CCDC38: variants seen among roughly 807,000 people sequenced by gnomAD.
CCDC38 encodes the protein coiled-coil domain containing 38.
CCDC38 carries 69 observed loss-of-function variants against 72.8 expected under a neutral mutation model. The ratio of observed to expected loss-of-function variants is 0.95; its 90% CI spans 0.78 to 1.16. The LOEUF is 1.16. Among genes scored for constraint, CCDC38 ranks in the 50% most tolerant of loss-of-function variants. CCDC38 has a pLI of 0.00. For synonymous variants in CCDC38, 201 were observed against 213.2 expected (o/e 0.94, Z 0.50); for missense variants, 626 against 638.9 (o/e 0.98, Z 0.22).
At chr12:95,912,337 A>G (rs968859749) in intron 4 of CCDC38, among the ~76,000 whole-genome samples, 4 of 152,186 alleles carry the variant, frequency 2.6e-5, no homozygotes, top group African/African-American at 7.2e-5. Flanking sequence ...CCCTCATAAC[A>G]AACCTGCACA....
In CCDC38 at chr12:95,894,907, C is replaced by A. The variant is rs1200374235; in HGVS notation, c.772+82G>T. 11 of 1,125,874 alleles carry A rather than the reference C, an allele frequency of 9.8e-6. 1 individual carries two copies. The East Asian group carries it at 9.9e-5, about 10-fold the overall frequency. 69.7% of individuals were successfully genotyped at this position (1,125,874 alleles called of 1,614,324 possible). ...GTTTAGATCCTGCTTAAAAAAATATCTATTTAGATAAAAAACATTGAAGCA... is the reference window on the plus strand; with the variant it reads ...GTTTAGATCCTGCTTAAAAAAATATATATTTAGATAAAAAACATTGAAGCA... On this transcript the variant is annotated intron_variant, in intron 8 of 15. Coordinates refer to ENST00000344280, the MANE Select transcript of CCDC38 (RefSeq NM_182496.3).
intron 7 of CCDC38, among the ~76,000 whole-genome samples, chr12:95,897,240 C>T (rs750765479): frequency 6.6e-6 from 1 of 152,092 alleles, no homozygotes; most frequent in Non-Finnish European, 1.5e-5. Context: ...TGACCTGATA[C>T]CAACACTACA....
At chr12:95,912,928 G>A (rs935963819) in intron 4 of CCDC38, among the ~76,000 whole-genome samples, 1 of 152,028 alleles carries the variant, frequency 6.6e-6, no homozygotes, top group African/African-American at 2.4e-5. Flanking sequence ...AGGCGTGGTC[G>A]TGTGTGCCTG....
chr12:95,891,151 T>A (rs2079822368), intron 8 of CCDC38, among the ~76,000 whole-genome samples: 1 of 152,150 alleles, frequency 6.6e-6, no homozygotes, highest in African/African-American at 2.4e-5. Flanking sequence ...AATATGCAGA[T>A]AGTAAGGGCT....
At chr12:95,875,857 G>C (rs1435825889) in intron 13 of CCDC38, among the ~76,000 whole-genome samples, 3 of 152,050 alleles carry the variant, frequency 2.0e-5, no homozygotes, top group Non-Finnish European at 4.4e-5. Context: ...TTAGGTATCT[G>C]GTTGCCTCAA....
At chr12:95,887,573 C>A (rs761364367) in intron 10 of CCDC38, among the ~76,000 whole-genome samples, 1 of 152,136 alleles carries the variant, frequency 6.6e-6, no homozygotes, top group Non-Finnish European at 1.5e-5. Context: ...AAATGCAGAA[C>A]GCATTGGCGG....
intron 4 of CCDC38, among the ~76,000 whole-genome samples, chr12:95,913,147 G>T (rs1245830343): frequency 6.6e-6 from 1 of 152,144 alleles, no homozygotes; most frequent in Non-Finnish European, 1.5e-5. Flanking sequence ...AGCCTGTGCT[G>T]CCTAGGAGGC....
At chr12:95,909,996 C>A (rs2080073255) in intron 4 of CCDC38, among the ~76,000 whole-genome samples, 1 of 152,132 alleles carries the variant, frequency 6.6e-6, no homozygotes, top group Admixed American at 6.5e-5. Flanking sequence ...TGGAACAAGA[C>A]AAGGATTTGC....
intron 7 of CCDC38, among the ~76,000 whole-genome samples, chr12:95,895,402 G>A (rs2079875651): frequency 8.2e-6 from 1 of 122,352 alleles, no homozygotes; most frequent in Non-Finnish European, 1.7e-5. Flanking sequence ...TACTCGACTT[G>A]TTTATTATTC....
intron 14 of CCDC38, 64 bp from the exon 15 acceptor site, chr12:95,869,637 A>G (rs2079559195): frequency 9.7e-6 from 12 of 1,240,166 alleles, no homozygotes; most frequent in Non-Finnish European, 1.4e-5. Flanking sequence ...AAAGTACATT[A>G]CTATTTGTTA....
chr12:95,910,027 A>G (rs1021425206), intron 4 of CCDC38, among the ~76,000 whole-genome samples: 1 of 152,220 alleles, frequency 6.6e-6, no homozygotes, highest in Non-Finnish European at 1.5e-5. Flanking sequence ...TTCCTAGTCA[A>G]CATAATACTG....
intron 4 of CCDC38, among the ~76,000 whole-genome samples, chr12:95,907,521 G>C (rs1172012995): frequency 8.6e-6 from 1 of 116,806 alleles, no homozygotes; most frequent in African/African-American, 4.0e-5. Flanking sequence ...TTCCCAGTAG[G>C]GGCGGCCGGG....
intron 5 of CCDC38, among the ~76,000 whole-genome samples, chr12:95,902,781 T>C (rs1202709129): frequency 2.0e-5 from 3 of 152,156 alleles, no homozygotes; most frequent in African/African-American, 4.8e-5. Flanking sequence ...TGTCTTCTAT[T>C]GAAACTATGA....
chr12:95,940,514 T>G (rs116050727), intron 1 of CCDC38, among the ~76,000 whole-genome samples: 1 of 152,118 alleles, frequency 6.6e-6, no homozygotes, highest in Non-Finnish European at 1.5e-5. Context: ...TAAAAAGCAA[T>G]GTTTATCTTC....
In CCDC38 at chr12:95,879,673, G is replaced by A. The variant is rs368540201; in HGVS notation, c.1113C>T (p.Asn371=). The A allele has an allele frequency of 2.1e-5, 33 of 1,598,180 alleles. No individual in the cohort carries two copies. The African/African-American group carries it at 2.8e-4, about 14-fold the overall frequency. ...TATCCTGTATAACTTTTTCTCTTTT[G>A]TTTACCTCTTCAAGATTTTCATCTA... is the stretch of plus-strand genomic sequence containing the variant. ...QDVDENLEEV[N]KREKVIQDKT... The change falls in exon 12 of 16, where the codon AAC becomes AAT. Residue 371 remains asparagine (N), a synonymous_variant. Coordinates refer to ENST00000344280, the MANE Select transcript of CCDC38 (RefSeq NM_182496.3). This position sits in a 1 kb window ranked among gnomAD's most constrained non-coding sequence, Gnocchi z 5.5.
At chr12:95,872,226 T>C (rs776187099) in intron 14 of CCDC38, 29 bp downstream of exon 14, 3 of 1,601,916 alleles carry the variant, frequency 1.9e-6, no homozygotes, top group South Asian at 2.2e-5. Context: ...AGCTACTCAT[T>C]AAGTCATTCT....
At chr12:95,880,583 G>A (rs1456946657) in intron 11 of CCDC38, among the ~76,000 whole-genome samples, 3 of 152,054 alleles carry the variant, frequency 2.0e-5, no homozygotes, top group Non-Finnish European at 4.4e-5. Flanking sequence ...AACTCAGGAG[G>A]CGGAGGTTTC....
chr12:95,936,600 GACTCCTTA>G, intron 1 of CCDC38, 77 bp from the exon 2 acceptor site: 1 of 1,193,632 alleles, frequency 8.4e-7, no homozygotes. Context: ...AACTGCCAAT[GACTCCTTA>G]ACAGTCCTTA....
intron 7 of CCDC38, among the ~76,000 whole-genome samples, chr12:95,896,831 T>A (rs2079894347): frequency 6.6e-6 from 1 of 152,076 alleles, no homozygotes; most frequent in African/African-American, 2.4e-5. Context: ...TTCTAGATGA[T>A]GTGATACATC....
Sources: allele counts gnomAD v4.1 joint callset (sites outside exome capture counted in the v4.1 genomes callset), GRCh38; gene constraint gnomAD v4.1.1; non-coding constraint Gnocchi (gnomAD v3.1); transcripts MANE v1.5; gene names NCBI Gene and HGNC (gene_info 2026-07-23, HGNC 2026-07-21).